The following SUPT16H variants were observed in gnomAD, a reference collection of about 807,000 sequenced individuals.
The protein encoded by SUPT16H is SPT16 homolog, facilitates chromatin remodeling subunit.
SUPT16H carries 24 observed loss-of-function variants against 136.2 expected under a neutral mutation model. The ratio of observed to expected loss-of-function variants is 0.18; its 90% CI spans 0.13 to 0.25. The LOEUF (loss-of-function observed/expected upper bound fraction) is 0.25. Ranked by LOEUF, SUPT16H falls within the 10% of genes least tolerant of loss-of-function variation. SUPT16H has a pLI of 1.00. For synonymous variants in SUPT16H, 415 were observed against 428.2 expected (o/e 0.97, Z 0.38); for missense variants, 623 against 1,270.2 (o/e 0.49, Z 7.74).
intron 17 of SUPT16H, 146 bp from the exon 18 acceptor site, chr14:21,360,679 TA>T: frequency 8.1e-7 from 1 of 1,234,462 alleles, no homozygotes; most frequent in South Asian, 1.5e-5. Flanking sequence ...CACAGCAGTG[TA>T]AGTAGATTCC....
chr14:21,357,480 TG>T (rs759287180), intron 21 of SUPT16H, 114 bp from the exon 22 acceptor site: 11 of 1,206,800 alleles, frequency 9.1e-6, no homozygotes, highest in African/African-American at 1.6e-5. Context: ...AGCTGTTTTT[TG>T]GTTTTTTTTT....
At chr14:21,358,113 G>A in intron 20 of SUPT16H, 111 bp from the exon 21 acceptor site, 1 of 1,012,630 alleles carries the variant, frequency 9.9e-7, no homozygotes, top group Admixed American at 2.3e-5. Context: ...CATACTCACT[G>A]GAGACTCATC....
In SUPT16H at chr14:21,363,268, C is replaced by T. The variant is rs1361895907; in HGVS notation, c.1360G>A (p.Gly454Ser). 1 of 1,613,878 alleles carries T rather than the reference C, an allele frequency of 6.2e-7. No homozygotes were observed. The highest frequency in any genetic ancestry group is 8.5e-7 in the Non-Finnish European group (1 of 1,179,936). Residue 454 changes from glycine to serine, a missense_variant, in exon 12 of 26, where the codon GGT becomes AGT. By Grantham distance (56) the Gly-to-Ser change is moderately conservative. This residue lies in a region of SUPT16H where 5 missense variants were observed against 29.6 expected (regional missense o/e 0.17). Transcript: ENST00000216297. ...TCTGTAAGTAATGCTGCCCGAGAAC[C>T]TCTTCCCAAAAGGTCCTCTGCCTCA... Reference protein sequence around the residue: ...KDEAEDLLGRGSRAALLTERT... With the variant: ...KDEAEDLLGRSSRAALLTERT...
At position 21,377,334 on chromosome 14, in the gene SUPT16H, T is replaced by C. The variant is rs144313962; in HGVS notation, c.67-3904A>G. On this transcript the variant is annotated intron_variant, in intron 1 of 25. Transcript: ENST00000216297. ...ATTCTAAATTTCAGAGAGAACAGGC[T>C]ATGTATGTATACTGGAAATAGAATC... is the stretch of plus-strand genomic sequence containing the variant. 2.2e-3 allele frequency among the ~76,000 whole-genome samples: 338 copies of C among 152,310 alleles called. 3 individuals are homozygous for C. Among genetic ancestry groups the C allele is most frequent in the African/African-American group, 7.3e-3 (304 of 41,572 alleles).
intron 12 of SUPT16H, 42 bp from the exon 13 acceptor site, chr14:21,363,191 T>C: frequency 1.2e-6 from 2 of 1,614,050 alleles, no homozygotes; most frequent in Non-Finnish European, 8.5e-7. Flanking sequence ...ACGTGAGCCA[T>C]ATGACAGCCG....
chr14:21,359,928 C>CA (rs926018474), intron 18 of SUPT16H, among the ~76,000 whole-genome samples: 1 of 152,188 alleles, frequency 6.6e-6, no homozygotes, highest in African/African-American at 2.4e-5. Context: ...ACCAAAGGAA[C>CA]AAACATGCTT....
chr14:21,360,748 CGGCGG>C, intron 17 of SUPT16H, 93 bp downstream of exon 17: 1 of 1,514,312 alleles, frequency 6.6e-7, no homozygotes, highest in South Asian at 1.3e-5. Context: ...CTGAGCTAAC[CGGCGG>C]ATGGCTCTTT....
Position 21,366,533 on chromosome 14 carries a change from A to T in SUPT16H, c.956-4T>A. On this transcript the variant is annotated splice_polypyrimidine_tract_variant and splice_region_variant and intron_variant, in intron 7 of 25. Coordinates refer to ENST00000216297, the MANE Select transcript of SUPT16H (RefSeq NM_007192.4). ...TACACGTCACATATCTTCACACCTA[A>T]TAACAAGACACAAAGGAGATATTAA... The T allele has an allele frequency of 6.2e-7, 1 of 1,609,098 alleles. No individual in the cohort carries two copies. Among genetic ancestry groups the T allele is most frequent in the Non-Finnish European group, 8.5e-7 (1 of 1,178,548 alleles).
chr14:21,377,019 A>G (rs1322670880), intron 1 of SUPT16H, among the ~76,000 whole-genome samples: 2 of 148,362 alleles, frequency 1.3e-5, no homozygotes, highest in African/African-American at 2.5e-5. Flanking sequence ...GTAAGCCGAG[A>G]TTGCATCACT....
chr14:21,383,761 C>T (rs1220755155), intron 1 of SUPT16H, 101 bp downstream of exon 1: 2 of 1,390,042 alleles, frequency 1.4e-6, no homozygotes, highest in Non-Finnish European at 2.0e-6. Context: ...GCACAGAACC[C>T]GGGAATTCCT....
chr14:21,359,030 C>A (rs529164414), intron 19 of SUPT16H, among the ~76,000 whole-genome samples: 139 of 152,190 alleles, frequency 9.1e-4, no homozygotes, highest in Middle Eastern at 3.4e-3. Context: ...TGGTCTTGAT[C>A]TCCTGACCTC....
At chr14:21,376,267 C>T (rs182939908) in intron 1 of SUPT16H, among the ~76,000 whole-genome samples, 2 of 152,202 alleles carry the variant, frequency 1.3e-5, no homozygotes, top group African/African-American at 4.8e-5. Context: ...ATTACTACAG[C>T]GTTGTAGTAA....
At position 21,362,421 on chromosome 14, in the gene SUPT16H, C is replaced by T. The variant is rs1030695843; in HGVS notation, c.1666-97G>A. On this transcript the variant is annotated intron_variant, in intron 14 of 25. Coordinates refer to ENST00000216297, the MANE Select transcript of SUPT16H (RefSeq NM_007192.4). ...ATTAAGTTAGGAGTTACAAATTGAC[C>T]GCTCTTAACCTTAATCTAAATCTAA... 4.1e-5 allele frequency: 47 copies of T among 1,144,298 alleles called. No homozygotes were observed. In the Middle Eastern group the frequency reaches 1.1e-3, roughly 28 times the overall value. 70.9% of individuals were successfully genotyped at this position (1,144,298 alleles called of 1,614,324 possible).
chr14:21,360,697 C>A (rs1267981988), intron 17 of SUPT16H, 149 bp downstream of exon 17: 8 of 1,298,596 alleles, frequency 6.2e-6, no homozygotes, highest in Admixed American at 2.3e-5. Flanking sequence ...TTCCTCCCAG[C>A]ATTTCCTTGT....
At chr14:21,372,077 TAC>T in intron 2 of SUPT16H, 33 bp from the exon 3 acceptor site, 2 of 1,581,574 alleles carry the variant, frequency 1.3e-6, no homozygotes, top group Middle Eastern at 1.9e-4. Flanking sequence ...CAACGGTATT[TAC>T]AGATACAAAA....
At position 21,372,770 on chromosome 14, in the gene SUPT16H, G is replaced by C. The variant is rs17104216; in HGVS notation, c.159+568C>G. 9.7e-3 allele frequency: 3,989 copies of C among 409,516 alleles called. 150 individuals carry two copies. Among genetic ancestry groups the C allele is most frequent in the African/African-American group, 0.078 (3,706 of 47,572 alleles). The allele number at this position is 409,516 out of a possible 1,614,324, so 25.4% of individuals were successfully genotyped here. ...TTAACTCACTGTTACTTAGGTTTTT[G>C]TGTTATAGCAGCTAAATCCATACTG... On this transcript the variant is annotated intron_variant, in intron 2 of 25. Coordinates refer to ENST00000216297, the MANE Select transcript of SUPT16H (RefSeq NM_007192.4).
chr14:21,357,475 T>C (rs1341668841), intron 21 of SUPT16H, 109 bp from the exon 22 acceptor site: 1 of 1,202,426 alleles, frequency 8.3e-7, no homozygotes, highest in Non-Finnish European at 1.1e-6. Flanking sequence ...ACTTAAGCTG[T>C]TTTTTGGTTT....
chr14:21,369,589 G>A lies in SUPT16H; in HGVS notation c.630+161C>T, dbSNP rs1886743880. 29 of 1,044,324 alleles carry A rather than the reference G, an allele frequency of 2.8e-5. 1 individual carries two copies. In the South Asian group the frequency reaches 4.4e-4, roughly 16 times the overall value. 64.7% of individuals were successfully genotyped at this position (1,044,324 alleles called of 1,614,324 possible). On this transcript the variant is annotated intron_variant, in intron 5 of 25. Transcript: ENST00000216297. ...ATGGGTTACCTCAAGAAAACATAAC[G>A]CAGGCTTACCATTATTTTGAAAGGG...
At chr14:21,381,081 A>G (rs1464527476) in intron 1 of SUPT16H, among the ~76,000 whole-genome samples, 2 of 151,988 alleles carry the variant, frequency 1.3e-5, no homozygotes, top group African/African-American at 2.4e-5. Context: ...AAGAGGCAAG[A>G]CTGGATCTAG....
Sources: gnomAD v4.1 joint callset for allele counts (sites outside exome capture counted in the v4.1 genomes callset) on GRCh38, gnomAD v4.1.1 for gene constraint, gnomAD v4.1.1 regional missense constraint, MANE v1.5 for transcripts, NCBI Gene and HGNC (gene_info 2026-07-23, HGNC 2026-07-21) for gene names.